DENND5B: variants seen among roughly 807,000 people sequenced by gnomAD.
DENND5B encodes the protein DENN domain-containing protein 5B.
Under a neutral mutation model 140.6 loss-of-function variants are expected in DENND5B, and 34 were observed. That is an observed-to-expected ratio of 0.24 (90% CI 0.18 to 0.32). The LOEUF (loss-of-function observed/expected upper bound fraction) is 0.32, where lower values mean the gene tolerates loss of function less well. Ranked by LOEUF, DENND5B falls within the 10% of genes least tolerant of loss-of-function variation. DENND5B has a pLI of 1.00. For synonymous variants in DENND5B, 551 were observed against 562.1 expected, an observed-to-expected ratio of 0.98 and a Z score of 0.28; for missense variants, 1,142 against 1,560.2, an observed-to-expected ratio of 0.73 and a Z score of 4.52.
At chr12:31,439,506 C>T (rs190053914) in intron 7 of DENND5B, among the ~76,000 whole-genome samples, 12 of 151,610 alleles carry the variant, frequency 7.9e-5, no homozygotes, top group Admixed American at 2.0e-4. Context: ...TGTTTACTTG[C>T]ACTTGGAAGC....
chr12:31,447,503 AT>A, intron 6 of DENND5B, 34 bp downstream of exon 6: 15 of 1,557,202 alleles, frequency 9.6e-6, no homozygotes, highest in Non-Finnish European at 1.3e-5. Context: ...GCGATAATGG[AT>A]TTTAATTTAA....
rs1200226104 is a variant in DENND5B at position 31,409,356 on chromosome 12, G to A, written c.2710C>T (p.Arg904Cys). 1.5e-5 allele frequency: 23 copies of A among 1,542,728 alleles called. No homozygotes were observed. The highest frequency in any genetic ancestry group is 4.9e-5 in the East Asian group (2 of 40,990). The change falls in exon 14 of 21, where the codon CGT becomes TGT. Residue 904 changes from arginine (R) to cysteine (C), a missense_variant. Coordinates refer to ENST00000389082, the MANE Select transcript of DENND5B (RefSeq NM_144973.4). ...AACTGCTCTCTTTCTTCTTCGCAAC[G>A]TAGAAAAGCATATCGCTTATAAAGC... is the stretch of plus-strand genomic sequence containing the variant. ...KKLYKRYAFL[R>C]CEEEREQFLY...
chr12:31,447,228 G>T (rs1018749405), intron 6 of DENND5B, among the ~76,000 whole-genome samples: 1 of 152,076 alleles, frequency 6.6e-6, no homozygotes, highest in Admixed American at 6.6e-5. Flanking sequence ...TCAAGATTGC[G>T]CCACTGCACT....
At chr12:31,397,160 C>A (rs1941518545) in intron 17 of DENND5B, among the ~76,000 whole-genome samples, 1 of 152,048 alleles carries the variant, frequency 6.6e-6, no homozygotes, top group African/African-American at 2.4e-5. Context: ...GTATAATATT[C>A]ATAAAATTCA....
In DENND5B at chr12:31,480,050, T is replaced by A. The variant is rs1484342766; in HGVS notation, c.443A>T (p.Tyr148Phe). 2.5e-6 allele frequency: 4 copies of A among 1,613,862 alleles called. No individual in the cohort carries two copies. In the African/African-American group the frequency reaches 5.3e-5, roughly 22 times the overall value. The part of the protein sequence containing the change: ...MHNAEHYSSV[Y>F]ASSSCSMDSL... Reference sequence around the variant, plus strand: ...GTCCATACTGCAGGAAGATGAAGCATACACACTGCTGTAATGCTCAGCGTT... The same window carrying A: ...GTCCATACTGCAGGAAGATGAAGCAAACACACTGCTGTAATGCTCAGCGTT... Residue 148 changes from tyrosine (Y) to phenylalanine (F), a missense_variant, in exon 3 of 21, where the codon TAT becomes TTT. Physicochemically the swap from Tyr to Phe is conservative, Grantham distance 22. Transcript: ENST00000389082.
chr12:31,503,128 A>AT (rs1324131695), intron 1 of DENND5B, among the ~76,000 whole-genome samples: 1 of 152,242 alleles, frequency 6.6e-6, no homozygotes, highest in African/African-American at 2.4e-5. Flanking sequence ...GGAGACCTCA[A>AT]TAATTAAATA....
chr12:31,518,268 G>A (rs775727599), intron 1 of DENND5B, among the ~76,000 whole-genome samples: 8 of 152,170 alleles, frequency 5.3e-5, no homozygotes, highest in Non-Finnish European at 1.0e-4. Context: ...AAAAATGTTA[G>A]ACTTGAATTA....
intron 1 of DENND5B, among the ~76,000 whole-genome samples, chr12:31,586,541 G>A (rs1334759940): frequency 6.6e-6 from 1 of 152,162 alleles, no homozygotes; most frequent in Non-Finnish European, 1.5e-5. Context: ...GCTATTAAGA[G>A]TTCTACGTAT....
At chr12:31,467,536 G>A (rs994964834) in intron 3 of DENND5B, among the ~76,000 whole-genome samples, 1 of 152,044 alleles carries the variant, frequency 6.6e-6, no homozygotes, top group Non-Finnish European at 1.5e-5. Flanking sequence ...GCTATCAGGA[G>A]GCTGAGGCAG....
intron 3 of DENND5B, among the ~76,000 whole-genome samples, chr12:31,466,444 G>C (rs1331435025): frequency 6.6e-6 from 1 of 152,080 alleles, no homozygotes; most frequent in Admixed American, 6.6e-5. Flanking sequence ...TGTAATCCCA[G>C]CACTCTGGGA....
rs78719718 is a variant in DENND5B at position 31,441,751 on chromosome 12, C to T, written c.2012+1024G>A. On this transcript the variant is annotated intron_variant, in intron 7 of 20. Transcript: ENST00000389082. The stretch of plus-strand genomic sequence containing the variant: ...TTTCCCAGGTTGAAGGGCAGTAGTG[C>T]AATCACGGCTCACCGTAGCCTCAAC... Among the ~76,000 whole-genome samples, 108 of 152,258 alleles carry T rather than the reference C, an allele frequency of 7.1e-4. 1 individual carries two copies. The Middle Eastern group carries it at 0.031, about 43-fold the overall frequency.
chr12:31,450,063 T>G (rs1251022936), intron 5 of DENND5B, among the ~76,000 whole-genome samples: 1 of 152,126 alleles, frequency 6.6e-6, no homozygotes, highest in Non-Finnish European at 1.5e-5. Context: ...TAGGAAAAAG[T>G]ATGGAAAATG....
intron 1 of DENND5B, chr12:31,534,809 A>C: frequency 2.2e-6 from 1 of 453,934 alleles, no homozygotes; most frequent in South Asian, 1.7e-5. Flanking sequence ...CGTTTCTTTG[A>C]AGTTGTTTTT....
chr12:31,440,490 C>T (rs1323940704), intron 7 of DENND5B, among the ~76,000 whole-genome samples: 1 of 152,332 alleles, frequency 6.6e-6, no homozygotes, highest in African/African-American at 2.4e-5. Context: ...ATATTAAATG[C>T]TCTTGAACAA....
intron 5 of DENND5B, among the ~76,000 whole-genome samples, chr12:31,450,085 C>T (rs905064384): frequency 5.3e-5 from 8 of 152,048 alleles, no homozygotes; most frequent in East Asian, 3.9e-4. Flanking sequence ...TTAAGACTAA[C>T]GAAAAAGGAA....
At chr12:31,444,975 T>A (rs1011803397) in intron 6 of DENND5B, among the ~76,000 whole-genome samples, 1 of 152,328 alleles carries the variant, frequency 6.6e-6, no homozygotes, top group Non-Finnish European at 1.5e-5. Flanking sequence ...TTCAGCATCA[T>A]CATTCCTGAC....
chr12:31,525,547 G>A (rs1948056298), intron 1 of DENND5B, among the ~76,000 whole-genome samples: 1 of 152,130 alleles, frequency 6.6e-6, no homozygotes, highest in African/African-American at 2.4e-5. Context: ...CACAGGTATG[G>A]GGTTTCTTTT....
intron 1 of DENND5B, among the ~76,000 whole-genome samples, chr12:31,586,125 A>C (rs1331756237): frequency 6.6e-6 from 1 of 152,178 alleles, no homozygotes; most frequent in Admixed American, 6.5e-5. Flanking sequence ...GACTGCTGTA[A>C]ATTAAGCCAT....
At chr12:31,536,390 A>T (rs1555169954) in intron 1 of DENND5B, among the ~76,000 whole-genome samples, 1 of 152,162 alleles carries the variant, frequency 6.6e-6, no homozygotes, top group Non-Finnish European at 1.5e-5. Flanking sequence ...ATTAAAAAAG[A>T]ACTACGCAGA....
Sources: gnomAD v4.1 joint callset for allele counts (sites outside exome capture counted in the v4.1 genomes callset) on GRCh38, gnomAD v4.1.1 for gene constraint, MANE v1.5 for transcripts, NCBI Gene and HGNC (gene_info 2026-07-23, HGNC 2026-07-21) for gene names.